The following CNTN5 variants were observed in gnomAD, a reference collection of about 807,000 sequenced individuals.
The protein encoded by CNTN5 is contactin 5.
In CNTN5, 77 loss-of-function variants were observed where a neutral mutation model predicts 129.1. The ratio of observed to expected loss-of-function variants is 0.60; its 90% CI spans 0.50 to 0.72. CNTN5 has a LOEUF of 0.72. Ranked by LOEUF, CNTN5 falls within the 30% of genes least tolerant of loss-of-function variation. The probability of loss-of-function intolerance (pLI) is 0.00; values close to 1 mark genes in which losing one functional copy is unlikely to be tolerated. For missense variants in CNTN5, 1,478 were observed against 1,328.8 expected (o/e 1.11, Z -1.75); for synonymous variants, 509 against 465.6 (o/e 1.09, Z -1.20).
At chr11:100,146,346 A>G (rs1946850859) in intron 13 of CNTN5, among the ~76,000 whole-genome samples, 1 of 152,186 alleles carries the variant, frequency 6.6e-6, no homozygotes, top group Non-Finnish European at 1.5e-5. Flanking sequence ...TACAATTGTC[A>G]TATATATTAT....
At chr11:99,765,174 C>T (rs1414067255) in intron 3 of CNTN5, among the ~76,000 whole-genome samples, 1 of 151,840 alleles carries the variant, frequency 6.6e-6, no homozygotes, top group Non-Finnish European at 1.5e-5. Flanking sequence ...AGTCCAGTTT[C>T]TCTATTAGAA....
chr11:99,914,718 C>T (rs1949744297), intron 6 of CNTN5, among the ~76,000 whole-genome samples: 1 of 152,094 alleles, frequency 6.6e-6, no homozygotes, highest in African/African-American at 2.4e-5. Context: ...ATCTTAAACA[C>T]ATTCTGCAAT....
At chr11:99,878,157 T>C (rs1386262064) in intron 6 of CNTN5, among the ~76,000 whole-genome samples, 2 of 152,216 alleles carry the variant, frequency 1.3e-5, no homozygotes, top group Non-Finnish European at 2.9e-5. Context: ...CCTTCTTATT[T>C]TAGAGGCAAA....
chr11:100,357,718 G>A lies in CNTN5; in HGVS notation c.*1498G>A, dbSNP rs1210893558. 1.3e-5 allele frequency: 2 copies of A among 151,418 alleles called. No homozygotes were observed. Among genetic ancestry groups the A allele is most frequent in the Non-Finnish European group, 3.0e-5 (2 of 67,740 alleles). 9.4% of individuals were successfully genotyped at this position (151,418 alleles called of 1,614,324 possible). A position where few individuals can be genotyped will look rare whatever the true frequency, so the allele number is the denominator to read the frequency against. ...ACTGTATTTGCTTCATTAATAACAA[G>A]CAAAATGAAACAATATGGAGCTCAA... On this transcript the variant is annotated 3_prime_UTR_variant, in exon 25 of 25. Coordinates refer to ENST00000524871, the MANE Select transcript of CNTN5 (RefSeq NM_014361.4).
chr11:100,146,181 G>T (rs1313934158), intron 13 of CNTN5, among the ~76,000 whole-genome samples: 1 of 152,056 alleles, frequency 6.6e-6, no homozygotes, highest in East Asian at 1.9e-4. Context: ...TTAGGGTTTT[G>T]AATTCAGGGT....
rs537199673 is a variant in CNTN5 at position 99,471,440 on chromosome 11, C to G, written c.-70-84705C>G. Among the ~76,000 whole-genome samples the G allele has an allele frequency of 3.3e-5, 5 of 152,210 alleles. No individual in the cohort carries two copies. In the South Asian group the frequency reaches 8.3e-4, roughly 25 times the overall value. On this transcript the variant is annotated intron_variant, in intron 2 of 24. Transcript: ENST00000524871. ...CTGATACTACCTGTCCTTAAGGTTT[C>G]TCCAGGAAGCTCCTTTCCTGGTCTA...
chr11:99,488,159 G>GT (rs10716491), intron 2 of CNTN5, among the ~76,000 whole-genome samples: 27 of 113,790 alleles, frequency 2.4e-4, no homozygotes, highest in East Asian at 1.4e-3. Flanking sequence ...TCTCCAAGAA[G>GT]TTTTTTTTTT....
At chr11:99,546,116 C>G (rs1419497876) in intron 2 of CNTN5, among the ~76,000 whole-genome samples, 1 of 152,116 alleles carries the variant, frequency 6.6e-6, no homozygotes, top group Non-Finnish European at 1.5e-5. Flanking sequence ...TTAGGGAAAT[C>G]CTATTACTTT....
chr11:99,841,918 C>G (rs1438127680), intron 4 of CNTN5, among the ~76,000 whole-genome samples: 2 of 149,322 alleles, frequency 1.3e-5, no homozygotes, highest in Non-Finnish European at 3.0e-5. Flanking sequence ...TGGAGTTTCA[C>G]TCTTGTTGCC....
chr11:100,286,707 C>G (rs1261635042), intron 18 of CNTN5, among the ~76,000 whole-genome samples: 1 of 150,010 alleles, frequency 6.7e-6, no homozygotes, highest in Non-Finnish European at 1.5e-5. Flanking sequence ...GCCTCTCCTC[C>G]TCCAAAGGAA....
At chr11:99,727,321 A>AAAAAAAAGAAAAAAAAAG (rs1943382371) in intron 3 of CNTN5, among the ~76,000 whole-genome samples, 2 of 123,414 alleles carry the variant, frequency 1.6e-5, no homozygotes, top group Non-Finnish European at 3.5e-5. Context: ...TCAAAAAAAA[A>AAAAAAAAGAAAAAAAAAG]AAAAAAAAAA....
chr11:99,584,839 CAACA>C (rs1365430585), intron 3 of CNTN5, among the ~76,000 whole-genome samples: 2 of 152,186 alleles, frequency 1.3e-5, no homozygotes, highest in Non-Finnish European at 2.9e-5. Context: ...AAAGAAAGAA[CAACA>C]GACAAACTGT....
At chr11:99,990,542 A>G (rs1939014626) in intron 8 of CNTN5, among the ~76,000 whole-genome samples, 1 of 151,640 alleles carries the variant, frequency 6.6e-6, no homozygotes, top group South Asian at 2.1e-4. Context: ...AGGTTTTTTC[A>G]ATCATCCTAC....
intron 13 of CNTN5, among the ~76,000 whole-genome samples, chr11:100,076,741 A>T (rs892032354): frequency 6.6e-6 from 1 of 152,000 alleles, no homozygotes; most frequent in Non-Finnish European, 1.5e-5. Context: ...GCCTACCTTG[A>T]TCTACATGTT....
At chr11:99,997,852 T>C (rs1021638927) in intron 8 of CNTN5, among the ~76,000 whole-genome samples, 1 of 152,160 alleles carries the variant, frequency 6.6e-6, no homozygotes, top group African/African-American at 2.4e-5. Context: ...TGATTCAATA[T>C]ACGCATATCA....
At chr11:99,159,455 T>C (rs949558522) in intron 1 of CNTN5, among the ~76,000 whole-genome samples, 2 of 152,068 alleles carry the variant, frequency 1.3e-5, no homozygotes, top group South Asian at 2.1e-4. Flanking sequence ...GCCCCGCCTC[T>C]ACTAAAAATA....
intron 1 of CNTN5, among the ~76,000 whole-genome samples, chr11:99,290,602 G>A (rs941060798): frequency 6.6e-6 from 1 of 151,816 alleles, no homozygotes; most frequent in East Asian, 1.9e-4. Flanking sequence ...TAGGGAAGAA[G>A]TGCATTACTT....
intron 15 of CNTN5, among the ~76,000 whole-genome samples, chr11:100,217,035 G>C (rs983146511): frequency 5.3e-5 from 8 of 152,150 alleles, no homozygotes; most frequent in African/African-American, 1.9e-4. Context: ...TATGGGAATT[G>C]GTTAGGCTAC....
chr11:100,226,714 G>A (rs1167189739), intron 16 of CNTN5, among the ~76,000 whole-genome samples: 1 of 151,990 alleles, frequency 6.6e-6, no homozygotes, highest in Non-Finnish European at 1.5e-5. Context: ...TCTTCCTGGT[G>A]AGTTTTAGAC....
Sources: gnomAD v4.1 joint callset for allele counts (sites outside exome capture counted in the v4.1 genomes callset) on GRCh38, gnomAD v4.1.1 for gene constraint, MANE v1.5 for transcripts, NCBI Gene and HGNC (gene_info 2026-07-23, HGNC 2026-07-21) for gene names.